Variants in GRB2 observed in about 807,000 individuals in gnomAD.
GRB2 encodes the protein growth factor receptor-bound protein 2.
Under a neutral mutation model 27.4 loss-of-function variants are expected in GRB2, and 2 were observed. That is an observed-to-expected ratio of 0.07 (90% CI 0.03 to 0.23). The LOEUF (loss-of-function observed/expected upper bound fraction) is 0.23. GRB2 is among the 10% of genes least tolerant of loss of function. The pLI is 1.00. For synonymous variants in GRB2, 94 were observed against 99.6 expected (o/e 0.94, Z 0.33); for missense variants, 102 against 282.4 (o/e 0.36, Z 4.58).
intron 2 of GRB2, among the ~76,000 whole-genome samples, chr17:75,341,468 A>AAC (rs2078621086): frequency 1.6e-5 from 2 of 126,626 alleles, no homozygotes; most frequent in African/African-American, 5.2e-5. Context: ...AAAAAAAAAA[A>AAC]ACACAAAAGA....
intron 2 of GRB2, among the ~76,000 whole-genome samples, chr17:75,338,168 G>A (rs1054706241): frequency 2.0e-5 from 3 of 152,020 alleles, no homozygotes; most frequent in African/African-American, 7.2e-5. Flanking sequence ...GACCTCAGGT[G>A]ATTTGCCTGC....
intron 2 of GRB2, among the ~76,000 whole-genome samples, chr17:75,377,944 A>C (rs992050846): frequency 1.3e-5 from 2 of 152,060 alleles, no homozygotes; most frequent in Admixed American, 1.3e-4. Flanking sequence ...GCAAAACAAA[A>C]ACATCTTTCA....
At position 75,324,507 on chromosome 17, in the gene GRB2, G is replaced by GTCTTTTTTTTT. The variant is rs1555608338; in HGVS notation, c.299+1390_299+1391insAAAAAAAAAGA. On this transcript the variant is annotated intron_variant, in intron 4 of 5. Transcript: ENST00000316804. ...TTACAGGTGTGAGCCACCGCACCCA[G>GTCTTTTTTTTT]TTTTTTTTTTTTTTTTTTTTTTTTT... Among the ~76,000 whole-genome samples, 66 of 36,696 alleles carry GTCTTTTTTTTT rather than the reference G, an allele frequency of 1.8e-3. 11 individuals are homozygous for GTCTTTTTTTTT. In the South Asian group the frequency reaches 0.033, roughly 18 times the overall value. The allele number at this position is 36,696 out of a possible 152,430, so 24.1% of individuals were successfully genotyped here.
intron 3 of GRB2, among the ~76,000 whole-genome samples, chr17:75,329,824 A>G (rs2078526863): frequency 6.6e-6 from 1 of 152,196 alleles, no homozygotes. Flanking sequence ...CCCAACCTGG[A>G]TGACAGAGCA....
intron 2 of GRB2, among the ~76,000 whole-genome samples, chr17:75,347,537 G>A (rs1227941206): frequency 6.6e-6 from 1 of 152,162 alleles, no homozygotes; most frequent in Admixed American, 6.5e-5. Flanking sequence ...GAAACCACCA[G>A]ACTTCAGGGG....
intron 2 of GRB2, among the ~76,000 whole-genome samples, chr17:75,338,237 G>C (rs1274503739): frequency 6.6e-6 from 1 of 151,970 alleles, no homozygotes; most frequent in Non-Finnish European, 1.5e-5. Context: ...GCTAATTTTT[G>C]TATTTTTCAT....
intron 2 of GRB2, among the ~76,000 whole-genome samples, chr17:75,361,187 C>G (rs2078779507): frequency 6.6e-6 from 1 of 152,134 alleles, no homozygotes; most frequent in Admixed American, 6.5e-5. Flanking sequence ...CAAACCAGAG[C>G]TCAAAGAGGT....
At chr17:75,328,051 G>A (rs570306339) in intron 3 of GRB2, among the ~76,000 whole-genome samples, 14 of 152,292 alleles carry the variant, frequency 9.2e-5, no homozygotes, top group East Asian at 1.9e-4. Flanking sequence ...GGCTGGGCCC[G>A]GTACCTCATG....
At chr17:75,339,441 C>A (rs1598225209) in intron 2 of GRB2, among the ~76,000 whole-genome samples, 1 of 151,794 alleles carries the variant, frequency 6.6e-6, no homozygotes, top group African/African-American at 2.4e-5. Context: ...GATCCACCCA[C>A]CTCGGCCTCC....
intron 5 of GRB2, among the ~76,000 whole-genome samples, chr17:75,321,429 G>C (rs12943707): frequency 0.59 from 89,131 of 152,002 alleles, 31,303 homozygotes; most frequent in East Asian, 0.87. Context: ...TGCCTGCCTC[G>C]GCCTCCCAAA....
chr17:75,320,241 T>G lies in GRB2; in HGVS notation c.*127A>C. 3.7e-6 allele frequency: 3 copies of G among 804,502 alleles called. No individual in the cohort carries two copies. The highest frequency in any genetic ancestry group is 2.5e-5 in the East Asian group (1 of 40,368). The allele number at this position is 804,502 out of a possible 1,614,324, so 49.8% of individuals were successfully genotyped here. A position where few individuals can be genotyped will look rare whatever the true frequency, so the allele number is the denominator to read the frequency against. ...TAAAGTTCCAACCAAAGTGAGAGGG[T>G]CACAGGGTGACCCGGCCAGGTGTTC... On this transcript the variant is annotated 3_prime_UTR_variant, in exon 6 of 6. Transcript: ENST00000316804. The surrounding 1 kb of genome is among the most constrained non-coding windows in gnomAD (Gnocchi z 4.3).
At chr17:75,403,281 G>C (rs1208282352) in intron 1 of GRB2, among the ~76,000 whole-genome samples, 1 of 151,384 alleles carries the variant, frequency 6.6e-6, no homozygotes, top group Non-Finnish European at 1.5e-5. Flanking sequence ...TCTCTATTCT[G>C]TATTACTTCA....
intron 4 of GRB2, among the ~76,000 whole-genome samples, chr17:75,322,668 T>G (rs1416304451): frequency 6.6e-6 from 1 of 152,082 alleles, no homozygotes; most frequent in East Asian, 1.9e-4. Flanking sequence ...ACCCAAAAGC[T>G]TCTCCATCAC....
intron 2 of GRB2, among the ~76,000 whole-genome samples, chr17:75,381,697 G>T (rs1158215739): frequency 6.9e-6 from 1 of 145,570 alleles, no homozygotes; most frequent in Non-Finnish European, 1.5e-5. Context: ...CTCCAGCCTG[G>T]GTGATGGTGC....
intron 2 of GRB2, among the ~76,000 whole-genome samples, chr17:75,354,964 T>C (rs528057993): frequency 6.6e-5 from 10 of 152,104 alleles, no homozygotes; most frequent in Admixed American, 3.3e-4. Flanking sequence ...CATGCCAACA[T>C]GCCTGGCTAA....
chr17:75,345,718 C>T (rs890816320), intron 2 of GRB2, among the ~76,000 whole-genome samples: 2 of 152,110 alleles, frequency 1.3e-5, no homozygotes, highest in Non-Finnish European at 2.9e-5. Flanking sequence ...CCCCCACCCC[C>T]AGGGTGGAGG....
chr17:75,346,294 G>T (rs1267062563), intron 2 of GRB2, among the ~76,000 whole-genome samples: 1 of 151,626 alleles, frequency 6.6e-6, no homozygotes, highest in Non-Finnish European at 1.5e-5. Flanking sequence ...AGGAGTTCAA[G>T]ACCCGCCTGG....
intron 4 of GRB2, among the ~76,000 whole-genome samples, chr17:75,324,366 ATTTTTTTTTTT>A (rs1156329058): frequency 1.1e-5 from 1 of 93,630 alleles, no homozygotes; most frequent in East Asian, 3.5e-4. Context: ...CCATTTTTGT[ATTTTTTTTTTT>A]TTTTTTTTTT....
At chr17:75,333,890 G>A (rs908479656) in intron 2 of GRB2, among the ~76,000 whole-genome samples, 1 of 152,166 alleles carries the variant, frequency 6.6e-6, no homozygotes, top group Non-Finnish European at 1.5e-5. Context: ...CCCAGGTTAC[G>A]AGGTAGTGAC....
Sources: gnomAD v4.1 joint callset for allele counts (sites outside exome capture counted in the v4.1 genomes callset) on GRCh38, gnomAD v4.1.1 for gene constraint, Gnocchi (gnomAD v3.1) non-coding constraint, MANE v1.5 for transcripts, NCBI Gene and HGNC (gene_info 2026-07-23, HGNC 2026-07-21) for gene names.